RANBP17: variants seen among roughly 807,000 people sequenced by gnomAD.
RANBP17 encodes the protein ran-binding protein 17.
In RANBP17, 158 loss-of-function variants were observed where a neutral mutation model predicts 141.2. That is an observed-to-expected ratio of 1.12 (90% CI 0.98 to 1.28). The LOEUF (loss-of-function observed/expected upper bound fraction) is 1.28, where lower values mean the gene tolerates loss of function less well. RANBP17 is among the 50% of genes most tolerant of loss of function. The pLI, the probability that RANBP17 is intolerant of heterozygous loss-of-function variation, is 0.00. For synonymous variants in RANBP17, 430 were observed against 450.0 expected (o/e 0.96, Z 0.56); for missense variants, 1,438 against 1,290.7 (o/e 1.11, Z -1.75).
At chr5:171,159,917 CAAAAAAAAAAAAAA>C (rs1175963382) in intron 14 of RANBP17, among the ~76,000 whole-genome samples, 8 of 41,494 alleles carry the variant, frequency 1.9e-4, no homozygotes, top group Non-Finnish European at 3.2e-4. Flanking sequence ...GACTCCATCT[CAAAAAAAAAAAAAA>C]AAAAAAAAAA....
At chr5:170,903,966 G>A (rs1199504891) in intron 5 of RANBP17, 1 of 490,212 alleles carries the variant, frequency 2.0e-6, no homozygotes, top group African/African-American at 2.0e-5. Flanking sequence ...ATACACACTG[G>A]CGGATGTTAA....
chr5:171,001,258 G>A (rs1248676912), intron 14 of RANBP17, among the ~76,000 whole-genome samples: 1 of 152,112 alleles, frequency 6.6e-6, no homozygotes, highest in Non-Finnish European at 1.5e-5. Context: ...AGGAGCGTTT[G>A]TCATATCGAA....
intron 22 of RANBP17, among the ~76,000 whole-genome samples, chr5:171,224,555 G>T (rs1259032641): frequency 6.6e-6 from 1 of 152,088 alleles, no homozygotes; most frequent in East Asian, 1.9e-4. Context: ...TTCTCTGTTG[G>T]GTTGTCTGAC....
chr5:170,996,807 AT>A (rs1252435212), intron 14 of RANBP17, among the ~76,000 whole-genome samples: 3 of 152,138 alleles, frequency 2.0e-5, no homozygotes, highest in African/African-American at 7.2e-5. Flanking sequence ...CTCATTTTGC[AT>A]TAGTTTCTAT....
chr5:170,865,268 G>A (rs925563911), intron 1 of RANBP17, among the ~76,000 whole-genome samples: 1 of 152,050 alleles, frequency 6.6e-6, no homozygotes, highest in East Asian at 1.9e-4. Flanking sequence ...TCTCCATGTT[G>A]GCCAGGCTGA....
chr5:171,058,851 A>T (rs1783598465), intron 14 of RANBP17, among the ~76,000 whole-genome samples: 1 of 149,850 alleles, frequency 6.7e-6, no homozygotes, highest in East Asian at 2.0e-4. Context: ...AATGATTGCC[A>T]TTCTAACTGG....
At chr5:171,113,337 G>C (rs1755383854) in intron 14 of RANBP17, among the ~76,000 whole-genome samples, 1 of 152,122 alleles carries the variant, frequency 6.6e-6, no homozygotes, top group Non-Finnish European at 1.5e-5. Context: ...CTTGGGATGG[G>C]AATGCAGTCA....
At chr5:171,011,793 A>T (rs1780053860) in intron 14 of RANBP17, among the ~76,000 whole-genome samples, 1 of 151,998 alleles carries the variant, frequency 6.6e-6, no homozygotes, top group South Asian at 2.1e-4. Context: ...TATTTAATAC[A>T]TAGTTCCTAG....
intron 14 of RANBP17, among the ~76,000 whole-genome samples, chr5:170,997,782 AATAAT>A (rs1778915809): frequency 6.6e-6 from 1 of 152,186 alleles, no homozygotes; most frequent in Non-Finnish European, 1.5e-5. Context: ...CACAGTATTA[AATAAT>A]ATAATAAGAT....
At chr5:171,262,371 A>G (rs925097156) in intron 24 of RANBP17, among the ~76,000 whole-genome samples, 1 of 152,228 alleles carries the variant, frequency 6.6e-6, no homozygotes, top group Non-Finnish European at 1.5e-5. Context: ...TACATCCCAG[A>G]GTTGTAAAAC....
At chr5:170,929,832 G>A (rs993957251) in intron 12 of RANBP17, among the ~76,000 whole-genome samples, 4 of 152,088 alleles carry the variant, frequency 2.6e-5, no homozygotes, top group Non-Finnish European at 5.9e-5. Flanking sequence ...TGAAGCCAGC[G>A]GGCCAAGAGG....
intron 14 of RANBP17, among the ~76,000 whole-genome samples, chr5:171,054,786 C>T (rs575082083): frequency 1.3e-5 from 2 of 152,104 alleles, no homozygotes; most frequent in African/African-American, 4.8e-5. Flanking sequence ...GTGTTTCCCC[C>T]CTCCCTTTTA....
chr5:171,221,882 A>C (rs1036446151), intron 22 of RANBP17, 42 bp downstream of exon 22: 5 of 1,106,828 alleles, frequency 4.5e-6, no homozygotes, highest in African/African-American at 1.6e-5. Flanking sequence ...ATATAGTTTT[A>C]TCTCTTTAGA....
chr5:171,114,236 A>G (rs1367786641), intron 14 of RANBP17, among the ~76,000 whole-genome samples: 2 of 152,102 alleles, frequency 1.3e-5, no homozygotes, highest in Non-Finnish European at 2.9e-5. Flanking sequence ...TCAGAACCTC[A>G]TATTTCAGAA....
chr5:171,089,201 T>A (rs987149981), intron 14 of RANBP17, among the ~76,000 whole-genome samples: 2 of 140,406 alleles, frequency 1.4e-5, no homozygotes, highest in African/African-American at 2.5e-5. Context: ...GCTGCAGGTC[T>A]GTTGGAATAC....
At chr5:171,058,771 C>G (rs962027828) in intron 14 of RANBP17, among the ~76,000 whole-genome samples, 13 of 150,456 alleles carry the variant, frequency 8.6e-5, no homozygotes, top group Admixed American at 5.3e-4. Flanking sequence ...AGTTCACAGT[C>G]CCACCAACAG....
intron 14 of RANBP17, chr5:170,983,312 G>C (rs1360475809): frequency 1.2e-5 from 3 of 247,990 alleles, no homozygotes; most frequent in Non-Finnish European, 2.3e-5. Context: ...TCTTGGACCA[G>C]GTTGAGAGGA....
intron 14 of RANBP17, among the ~76,000 whole-genome samples, chr5:171,064,358 G>T (rs1433996954): frequency 6.6e-6 from 1 of 152,156 alleles, no homozygotes. Flanking sequence ...CTAATTTGAT[G>T]GGTGAAAAAA....
chr5:170,911,127 G>A lies in RANBP17; in HGVS notation c.753G>A (p.Trp251Ter), dbSNP rs1771492833. The change falls in exon 7 of 28, where the codon TGG becomes TGA. Residue 251 changes from tryptophan (W) to a stop codon, truncating the protein, a stop_gained. Coordinates refer to ENST00000523189, the MANE Select transcript of RANBP17 (RefSeq NM_022897.5). LOFTEE classifies it high-confidence loss of function. The stretch of plus-strand genomic sequence containing the variant: ...GCACGGTGCAGATTCCAACAACTTG[G>A]AGAACAAGTAAGAAAAAACTTTGGT... ...DLCTVQIPTT[W>*]RTIFLEPETL... 3.7e-6 allele frequency: 6 copies of A among 1,610,806 alleles called. No individual in the cohort carries two copies. Among genetic ancestry groups the A allele is most frequent in the South Asian group, 2.2e-5 (2 of 90,910 alleles).
Sources: gnomAD v4.1 joint callset for allele counts (sites outside exome capture counted in the v4.1 genomes callset) on GRCh38, gnomAD v4.1.1 for gene constraint, MANE v1.5 for transcripts, NCBI Gene and HGNC (gene_info 2026-07-23, HGNC 2026-07-21) for gene names.